Variants in PTN observed in about 807,000 individuals in gnomAD.
PTN encodes pleiotrophin.
Under a neutral mutation model 24.1 loss-of-function variants are expected in PTN, and 18 were observed. The ratio of observed to expected loss-of-function variants is 0.75; its 90% CI spans 0.52 to 1.11. PTN has a LOEUF of 1.11. Ranked by LOEUF, PTN falls within the 50% of genes least tolerant of loss-of-function variation. The pLI, the probability that PTN is intolerant of heterozygous loss-of-function variation, is 0.00. For synonymous variants in PTN, 78 were observed against 68.6 expected, an observed-to-expected ratio of 1.14 and a Z score of -0.67; for missense variants, 163 against 198.8, an observed-to-expected ratio of 0.82 and a Z score of 1.08.
At chr7:137,292,038 A>G (rs966457740) in intron 1 of PTN, among the ~76,000 whole-genome samples, 8 of 152,190 alleles carry the variant, frequency 5.3e-5, no homozygotes, top group Non-Finnish European at 8.8e-5. Flanking sequence ...ATTCTGATAA[A>G]GTATGAGAAA....
At chr7:137,231,683 A>G (rs1444578803) in intron 4 of PTN, among the ~76,000 whole-genome samples, 1 of 151,976 alleles carries the variant, frequency 6.6e-6, no homozygotes, top group Non-Finnish European at 1.5e-5. Context: ...GAAATAGTTC[A>G]ACCCATTACT....
intron 1 of PTN, among the ~76,000 whole-genome samples, chr7:137,331,276 C>T (rs913654304): frequency 6.6e-6 from 1 of 152,148 alleles, no homozygotes; most frequent in Non-Finnish European, 1.5e-5. Context: ...TTCTAATCTG[C>T]TTCTCCAAAT....
intron 1 of PTN, among the ~76,000 whole-genome samples, chr7:137,285,968 G>A (rs1388978344): frequency 1.3e-5 from 2 of 152,054 alleles, no homozygotes; most frequent in African/African-American, 4.8e-5. Flanking sequence ...CTACAGTCTT[G>A]GTTATCTGGT....
intron 1 of PTN, among the ~76,000 whole-genome samples, chr7:137,335,193 T>C (rs866651095): frequency 3.1e-4 from 47 of 151,068 alleles, no homozygotes; most frequent in African/African-American, 1.1e-3. Context: ...TAAAGTATAA[T>C]AATAATAAAA....
chr7:137,246,042 G>C (rs1162978379), intron 4 of PTN, among the ~76,000 whole-genome samples: 3 of 152,134 alleles, frequency 2.0e-5, no homozygotes, highest in Non-Finnish European at 4.4e-5. Context: ...TAAGTGTACT[G>C]TGTTTATAGA....
At chr7:137,261,749 T>C (rs1809041999) in intron 1 of PTN, among the ~76,000 whole-genome samples, 1 of 152,184 alleles carries the variant, frequency 6.6e-6, no homozygotes, top group African/African-American at 2.4e-5. Flanking sequence ...TGTGTAGAAG[T>C]ATGATTAGGC....
chr7:137,326,799 ATTAG>A (rs541807266), intron 1 of PTN: 41 of 152,334 alleles, frequency 2.7e-4, no homozygotes, highest in African/African-American at 9.4e-4. Flanking sequence ...AATTTCACTG[ATTAG>A]CTATTCATGT....
chr7:137,261,579 C>T (rs1301527894), intron 1 of PTN, among the ~76,000 whole-genome samples: 2 of 152,060 alleles, frequency 1.3e-5, no homozygotes. Flanking sequence ...GTGAAGGTTA[C>T]CTAAAAATCG....
chr7:137,305,815 G>A (rs1323513738), intron 1 of PTN, among the ~76,000 whole-genome samples: 1 of 152,066 alleles, frequency 6.6e-6, no homozygotes, highest in African/African-American at 2.4e-5. Context: ...ACCTGGAGCA[G>A]GGAACTTGAG....
At chr7:137,241,591 C>T (rs937867731) in intron 4 of PTN, among the ~76,000 whole-genome samples, 6 of 151,998 alleles carry the variant, frequency 3.9e-5, no homozygotes, top group Admixed American at 3.9e-4. Flanking sequence ...GTCTTTATAA[C>T]GATCCTATGG....
chr7:137,279,257 G>A (rs574531562), intron 1 of PTN, among the ~76,000 whole-genome samples: 1 of 152,244 alleles, frequency 6.6e-6, no homozygotes, highest in African/African-American at 2.4e-5. Flanking sequence ...TTTAACAATT[G>A]AATGTCCATG....
intron 1 of PTN, among the ~76,000 whole-genome samples, chr7:137,284,275 G>A (rs1399643846): frequency 6.6e-6 from 1 of 151,892 alleles, no homozygotes; most frequent in African/African-American, 2.4e-5. Context: ...ATTTTATAAT[G>A]GTATGTACGA....
chr7:137,312,691 GA>G (rs1342056590), intron 1 of PTN, among the ~76,000 whole-genome samples: 7 of 152,012 alleles, frequency 4.6e-5, no homozygotes, highest in Non-Finnish European at 8.8e-5. Context: ...AAAAAAGTAA[GA>G]AAAAGGCTAG....
intron 1 of PTN, among the ~76,000 whole-genome samples, chr7:137,270,255 A>G (rs149531739): frequency 2.0e-4 from 30 of 152,348 alleles, no homozygotes; most frequent in African/African-American, 6.7e-4. Context: ...TCGATTGTCA[A>G]TTAATTTTAA....
intron 4 of PTN, among the ~76,000 whole-genome samples, chr7:137,241,234 G>A (rs959897945): frequency 4.6e-5 from 7 of 152,126 alleles, no homozygotes; most frequent in Non-Finnish European, 1.0e-4. Context: ...AGTTAAAATT[G>A]GAGATGAGAT....
chr7:137,241,223 G>T (rs1279937983), intron 4 of PTN, among the ~76,000 whole-genome samples: 1 of 152,094 alleles, frequency 6.6e-6, no homozygotes, highest in Admixed American at 6.5e-5. Flanking sequence ...CAACACCTAG[G>T]AGTTAAAATT....
intron 1 of PTN, among the ~76,000 whole-genome samples, chr7:137,278,763 C>T (rs1484036614): frequency 6.6e-6 from 1 of 151,550 alleles, no homozygotes. Context: ...AACATGGTGA[C>T]ACCCCATCTC....
intron 1 of PTN, among the ~76,000 whole-genome samples, chr7:137,267,995 C>A (rs867638236): frequency 6.6e-6 from 1 of 151,988 alleles, no homozygotes; most frequent in Admixed American, 6.6e-5. Context: ...AAACAAAAAC[C>A]AAAGAGCCCA....
intron 1 of PTN, among the ~76,000 whole-genome samples, chr7:137,338,923 TA>T (rs1296986210): frequency 6.6e-6 from 1 of 151,976 alleles, no homozygotes; most frequent in African/African-American, 2.4e-5. Flanking sequence ...GTGAAGGAGT[TA>T]AAGCTCAAAG....
Sources: gnomAD v4.1 joint callset for allele counts (sites outside exome capture counted in the v4.1 genomes callset) on GRCh38, gnomAD v4.1.1 for gene constraint, MANE v1.5 for transcripts, NCBI Gene and HGNC (gene_info 2026-07-23, HGNC 2026-07-21) for gene names.